The following CELF2 variants were observed in gnomAD, a reference collection of about 807,000 sequenced individuals.
The protein encoded by CELF2 is CUGBP Elav-like family member 2.
In CELF2, 8 loss-of-function variants were observed where a neutral mutation model predicts 62.6. The observed-to-expected ratio is 0.13, with a 90% CI of 0.07 to 0.23. The LOEUF (loss-of-function observed/expected upper bound fraction) is 0.23, where lower values mean the gene tolerates loss of function less well. Ranked by LOEUF, CELF2 falls within the 10% of genes least tolerant of loss-of-function variation. The pLI, the probability that CELF2 is intolerant of heterozygous loss-of-function variation, is 1.00. For missense variants in CELF2, 333 were observed against 671.0 expected (o/e 0.50, Z 5.56); for synonymous variants, 258 against 250.0 (o/e 1.03, Z -0.30).
chr10:10,710,804 C>A, the CELF2 span, among the ~76,000 whole-genome samples: 197 of 152,060 alleles, frequency 1.3e-3, no homozygotes, highest in Admixed American at 1.5e-3. Context: ...TAATTTAATA[C>A]CCTCCTCATT....
At chr10:11,232,792 A>G (rs891561729) in intron 3 of CELF2, among the ~76,000 whole-genome samples, 3 of 152,194 alleles carry the variant, frequency 2.0e-5, no homozygotes, top group Non-Finnish European at 2.9e-5. Flanking sequence ...CATGGATGGG[A>G]GAAGAAAAAT....
chr10:10,693,431 T>G, the CELF2 span, among the ~76,000 whole-genome samples: 1 of 150,800 alleles, frequency 6.6e-6, no homozygotes, highest in African/African-American at 2.4e-5. Flanking sequence ...ATTGAGGATT[T>G]TTGCATCAAT....
At position 10,895,189 on chromosome 10, in the gene CELF2, G is replaced by A. The variant is rs148046228; in HGVS notation, c.54-24775G>A. Among the ~76,000 whole-genome samples, 214 of 152,270 alleles carry A rather than the reference G, an allele frequency of 1.4e-3. 1 individual carries two copies. Among genetic ancestry groups the A allele is most frequent in the East Asian group, 5.6e-3 (29 of 5,180 alleles). ...GGAGATCAAACCCCTGAGCCCAGCT[G>A]CCTCCTGATGTCCTTTATTGACTTA... is the stretch of plus-strand genomic sequence containing the variant. On this transcript the variant is annotated intron_variant, in intron 1 of 13. Coordinates refer to the CELF2 transcript ENST00000636488.
rs1331562537 is a variant in CELF2 at position 11,334,682 on chromosome 10, C to G, written c.*5629C>G. On this transcript the variant is annotated 3_prime_UTR_variant, in exon 13 of 13. Coordinates refer to ENST00000633077, the MANE Select transcript of CELF2 (RefSeq NM_001326342.2). ...ACCACACAGGTTAATTTCCCCTTCT[C>G]TCCCCTCCCTCATGAGTCTATCCAC... The G allele has an allele frequency of 1.3e-5, 2 of 152,164 alleles. No individual in the cohort carries two copies. Among genetic ancestry groups the G allele is most frequent in the Non-Finnish European group, 2.9e-5 (2 of 68,030 alleles). The allele number at this position is 152,164 out of a possible 1,614,324, so 9.4% of individuals were successfully genotyped here.
chr10:11,159,267 T>A lies in CELF2; in HGVS notation c.75-6219T>A, dbSNP rs1015859102. Among the ~76,000 whole-genome samples the A allele has an allele frequency of 3.3e-5, 5 of 152,234 alleles. No homozygotes were observed. Among genetic ancestry groups the A allele is most frequent in the African/African-American group, 9.6e-5 (4 of 41,456 alleles). ...GGTGGCGTAACTGATAACCAAAACA[T>A]TTTGTTAAATTTACCCAAAGTTTTC... On this transcript the variant is annotated intron_variant, in intron 1 of 12. Transcript: ENST00000633077. The surrounding 1 kb of genome is among the most constrained non-coding windows in gnomAD (Gnocchi z 5.0).
At chr10:10,729,554 C>A in the CELF2 span, among the ~76,000 whole-genome samples, 1 of 152,016 alleles carries the variant, frequency 6.6e-6, no homozygotes, top group African/African-American at 2.4e-5. Context: ...TAAGATAAGA[C>A]AAAGATCGCA....
At chr10:10,542,869 T>A in the CELF2 span, among the ~76,000 whole-genome samples, 1 of 152,188 alleles carries the variant, frequency 6.6e-6, no homozygotes, top group South Asian at 2.1e-4. Flanking sequence ...CTCTAGATAG[T>A]GTGTTGGTCT....
the CELF2 span, among the ~76,000 whole-genome samples, chr10:10,530,083 C>G: frequency 6.6e-6 from 1 of 152,112 alleles, no homozygotes; most frequent in African/African-American, 2.4e-5. Flanking sequence ...GATCCAGACC[C>G]CAAAAGAGGG....
chr10:10,577,005 C>T, the CELF2 span, among the ~76,000 whole-genome samples: 2 of 152,194 alleles, frequency 1.3e-5, no homozygotes, highest in Non-Finnish European at 2.9e-5. Context: ...AAACACTAAT[C>T]ACACAAAGGG....
At chr10:11,212,325 C>A (rs1363009867) in intron 2 of CELF2, among the ~76,000 whole-genome samples, 1 of 152,174 alleles carries the variant, frequency 6.6e-6, no homozygotes, top group African/African-American at 2.4e-5. Flanking sequence ...CCCCGAGATG[C>A]TCCCTGTGAG....
chr10:11,230,478 G>C (rs2068234570), intron 3 of CELF2, among the ~76,000 whole-genome samples: 1 of 152,194 alleles, frequency 6.6e-6, no homozygotes, highest in Non-Finnish European at 1.5e-5. Flanking sequence ...CTGGGTTGCT[G>C]TGTTCCCTCA....
At chr10:11,196,222 C>G (rs1294254628) in intron 2 of CELF2, among the ~76,000 whole-genome samples, 1 of 152,232 alleles carries the variant, frequency 6.6e-6, no homozygotes, top group Admixed American at 6.5e-5. Flanking sequence ...GCAGCGTCAG[C>G]GTCTTTCTCG....
chr10:10,577,951 G>A, the CELF2 span, among the ~76,000 whole-genome samples: 2 of 152,174 alleles, frequency 1.3e-5, no homozygotes, highest in African/African-American at 2.4e-5. Context: ...TTCCGCAATG[G>A]TTGAACTAGT....
At chr10:10,767,890 G>A in the CELF2 span, among the ~76,000 whole-genome samples, 17 of 133,632 alleles carry the variant, frequency 1.3e-4, no homozygotes, top group African/African-American at 4.9e-4. Flanking sequence ...CAGCTACTCG[G>A]GAGGCTGAGG....
chr10:11,288,087 T>C (rs1336120074), intron 8 of CELF2, among the ~76,000 whole-genome samples: 3 of 152,262 alleles, frequency 2.0e-5, no homozygotes, highest in Non-Finnish European at 4.4e-5. Flanking sequence ...CTTTTCCACT[T>C]ATCTCTACAG....
At chr10:10,811,291 CA>C (rs1269814748) in intron 1 of CELF2, among the ~76,000 whole-genome samples, 4 of 152,142 alleles carry the variant, frequency 2.6e-5, no homozygotes, top group Admixed American at 2.6e-4. Flanking sequence ...GATGCACTTC[CA>C]GCATCAACAG....
chr10:10,539,510 C>G, the CELF2 span, among the ~76,000 whole-genome samples: 1 of 142,944 alleles, frequency 7.0e-6, no homozygotes, highest in African/African-American at 2.5e-5. Context: ...TTTCACCCAT[C>G]AGTAATGCAG....
At chr10:10,890,059 T>A (rs922094038) in intron 1 of CELF2, among the ~76,000 whole-genome samples, 1 of 151,972 alleles carries the variant, frequency 6.6e-6, no homozygotes, top group African/African-American at 2.4e-5. Flanking sequence ...TGAGGAGGGG[T>A]TTTTTTCCCC....
intron 9 of CELF2, among the ~76,000 whole-genome samples, chr10:11,293,080 A>C (rs1372885722): frequency 6.6e-6 from 1 of 152,170 alleles, no homozygotes; most frequent in Non-Finnish European, 1.5e-5. Context: ...CCGCCCTTCC[A>C]TCCAGAATCC....
Sources: gnomAD v4.1 joint callset for allele counts (sites outside exome capture counted in the v4.1 genomes callset) on GRCh38, gnomAD v4.1.1 for gene constraint, Gnocchi (gnomAD v3.1) non-coding constraint, MANE v1.5 for transcripts, NCBI Gene and HGNC (gene_info 2026-07-23, HGNC 2026-07-21) for gene names.